TNIP3: variants seen among roughly 807,000 people sequenced by gnomAD.
The protein encoded by TNIP3 is TNFAIP3 interacting protein 3, also known as TNFAIP3-interacting protein 3.
Under a neutral mutation model 54.1 loss-of-function variants are expected in TNIP3, and 34 were observed. The observed-to-expected ratio is 0.63, with a 90% CI of 0.48 to 0.84. The LOEUF is 0.84. Among genes scored for constraint, TNIP3 ranks in the 40% least tolerant of loss-of-function variants. The probability of loss-of-function intolerance (pLI) is 0.00; values close to 1 mark genes in which losing one functional copy is unlikely to be tolerated. For synonymous variants in TNIP3, 134 were observed against 136.8 expected (o/e 0.98, Z 0.14); for missense variants, 366 against 387.6 (o/e 0.94, Z 0.47).
chr4:121,141,754 G>A lies in TNIP3; in HGVS notation c.885+62C>T, dbSNP rs1180540135. Reference sequence around the variant, plus strand: ...TAATATAATGTGCTGAAATTCCAGAGATGCACATAATTTCTACCAAAACAG... The same window carrying A: ...TAATATAATGTGCTGAAATTCCAGAAATGCACATAATTTCTACCAAAACAG... On this transcript the variant is annotated intron_variant, in intron 9 of 10. Coordinates refer to ENST00000057513, the MANE Select transcript of TNIP3 (RefSeq NM_024873.6). 1.6e-5 allele frequency: 18 copies of A among 1,112,558 alleles called. No individual in the cohort carries two copies. The East Asian group carries it at 4.5e-4, about 28-fold the overall frequency. The allele number at this position is 1,112,558 out of a possible 1,614,324, so 68.9% of individuals were successfully genotyped here.
In TNIP3 at chr4:121,202,504, C is replaced by T. The variant is rs141068996; in HGVS notation, c.68+13911G>A. Among the ~76,000 whole-genome samples the T allele has an allele frequency of 3.4e-3, 519 of 152,114 alleles. 4 individuals carry two copies. The highest frequency in any genetic ancestry group is 5.8e-3 in the Non-Finnish European group (395 of 67,960). On this transcript the variant is annotated intron_variant, in intron 2 of 12. Transcript: ENST00000507879. ...AAAACCTTTCTAGACATTGGCAAAA[C>T]CTTTCTAGACATTGGCTTAGGTAAA...
chr4:121,182,807 A>G (rs1724790658), intron 2 of TNIP3: 4 of 1,533,824 alleles, frequency 2.6e-6, no homozygotes, highest in Non-Finnish European at 3.5e-6. Flanking sequence ...CTGCCCAGAA[A>G]GACATGGGAA....
At chr4:121,144,776 C>T (rs1226607157) in intron 7 of TNIP3, among the ~76,000 whole-genome samples, 2 of 152,200 alleles carry the variant, frequency 1.3e-5, no homozygotes, top group East Asian at 3.8e-4. Flanking sequence ...CTATATTTTA[C>T]AGGCAGGTAT....
chr4:121,136,434 T>G (rs1728789306), intron 10 of TNIP3, among the ~76,000 whole-genome samples: 1 of 152,186 alleles, frequency 6.6e-6, no homozygotes, highest in Non-Finnish European at 1.5e-5. Context: ...TTGCTAAATT[T>G]TATTAACTGT....
intron 6 of TNIP3, among the ~76,000 whole-genome samples, chr4:121,149,811 AG>A (rs1002850416): frequency 1.3e-5 from 2 of 152,160 alleles, no homozygotes; most frequent in African/African-American, 4.8e-5. Flanking sequence ...CCCTAGCCCC[AG>A]TGCTAATAGA....
At chr4:121,223,517 T>G (rs1400047621) in intron 1 of TNIP3, among the ~76,000 whole-genome samples, 4 of 152,238 alleles carry the variant, frequency 2.6e-5, no homozygotes, top group African/African-American at 9.6e-5. Context: ...AGAAAATCAC[T>G]TTTGCTACTT....
Position 121,138,686 on chromosome 4 carries a change from T to A in TNIP3, c.886-2A>T, listed in dbSNP as rs536376868. ...AAGAGCATACCACTGATAGTCTGGCTGTGTGGAACAATACAACATTATTAT... is the reference window on the plus strand; with the variant it reads ...AAGAGCATACCACTGATAGTCTGGCAGTGTGGAACAATACAACATTATTAT... On this transcript the variant is annotated splice_acceptor_variant, in intron 9 of 10. Coordinates refer to ENST00000057513, the MANE Select transcript of TNIP3 (RefSeq NM_024873.6). LOFTEE classifies it high-confidence loss of function. 1 of 1,613,614 alleles carries A rather than the reference T, an allele frequency of 6.2e-7. No individual in the cohort carries two copies. The highest frequency in any genetic ancestry group is 1.1e-5 in the South Asian group (1 of 91,056).
rs139776467 is a variant in TNIP3, at chr4:121,209,170, A to G, written c.68+7245T>C. Among the ~76,000 whole-genome samples, 949 of 152,354 alleles carry G rather than the reference A, an allele frequency of 6.2e-3. 11 individuals are homozygous for G. Among genetic ancestry groups the G allele is most frequent in the Non-Finnish European group, 5.5e-3 (372 of 68,038 alleles). On this transcript the variant is annotated intron_variant, in intron 2 of 12. Transcript: ENST00000507879. ...GAGGACGCTGTGTGACAGCATCCCCATGCCTCACCCTTTGGATTCTTTTCA... is the reference window on the plus strand; with the variant it reads ...GAGGACGCTGTGTGACAGCATCCCCGTGCCTCACCCTTTGGATTCTTTTCA...
intron 7 of TNIP3, among the ~76,000 whole-genome samples, chr4:121,145,979 TA>T (rs546016749): frequency 6.4e-4 from 88 of 137,278 alleles, no homozygotes; most frequent in Admixed American, 1.2e-3. Context: ...CACCATCTCA[TA>T]AAAAAAAAAA....
chr4:121,144,166 T>A (rs1729291718), intron 7 of TNIP3, among the ~76,000 whole-genome samples: 1 of 152,196 alleles, frequency 6.6e-6, no homozygotes, highest in Non-Finnish European at 1.5e-5. Context: ...TCTTTTACTA[T>A]ATTGTGAGTT....
At chr4:121,155,855 A>G (rs1211925259) in intron 4 of TNIP3, among the ~76,000 whole-genome samples, 1 of 152,180 alleles carries the variant, frequency 6.6e-6, no homozygotes, top group Non-Finnish European at 1.5e-5. Context: ...AATTTAAGAA[A>G]TCCGCTTTAG....
At chr4:121,146,905 T>C in intron 7 of TNIP3, 144 bp downstream of exon 7, 1 of 779,686 alleles carries the variant, frequency 1.3e-6, no homozygotes, top group Non-Finnish European at 1.9e-6. Context: ...CTTTACAAGA[T>C]TGTTTAAGAA....
At chr4:121,192,198 C>A (rs1299720831) in intron 2 of TNIP3, among the ~76,000 whole-genome samples, 2 of 152,070 alleles carry the variant, frequency 1.3e-5, no homozygotes, top group African/African-American at 2.4e-5. Flanking sequence ...CAAGTCTGAC[C>A]GCTGAAGCAG....
At chr4:121,202,504 C>G (rs141068996) in intron 2 of TNIP3, among the ~76,000 whole-genome samples, 1 of 151,996 alleles carries the variant, frequency 6.6e-6, no homozygotes, top group African/African-American at 2.4e-5. Flanking sequence ...ATTGGCAAAA[C>G]CTTTCTAGAC....
chr4:121,157,099 C>T lies in TNIP3; in HGVS notation c.358G>A (p.Glu120Lys). ...AGGACCCGGGCCCCGCCCACCTCCTCCCGCTGCAGCCGGTCCCGGGTCAGG... is the reference window on the plus strand; with the variant it reads ...AGGACCCGGGCCCCGCCCACCTCCTTCCGCTGCAGCCGGTCCCGGGTCAGG... ...RDLTRDRLQREEKEKERLNEE... is the reference protein window; with the variant it reads ...RDLTRDRLQRKEKEKERLNEE... Residue 120 changes from glutamate to lysine, a missense_variant, in exon 4 of 11, where the codon GAG becomes AAG. By Grantham distance (56) the Glu-to-Lys change is moderately conservative. Transcript: ENST00000057513. 1 of 1,613,690 alleles carries T rather than the reference C, an allele frequency of 6.2e-7. No individual in the cohort carries two copies. The highest frequency in any genetic ancestry group is 8.5e-7 in the Non-Finnish European group (1 of 1,179,728).
In TNIP3 at chr4:121,157,075, G is replaced by T. The variant is rs781442693; in HGVS notation, c.363+19C>A. On this transcript the variant is annotated intron_variant, in intron 4 of 10. Coordinates refer to ENST00000057513, the MANE Select transcript of TNIP3 (RefSeq NM_024873.6). ...TTTTATTTGGATCCTCCGGGCTCGA[G>T]GACCCGGGCCCCGCCCACCTCCTCC... is the stretch of plus-strand genomic sequence containing the variant. The T allele has an allele frequency of 1.2e-6, 2 of 1,613,392 alleles. No individual in the cohort carries two copies. Among genetic ancestry groups the T allele is most frequent in the Non-Finnish European group, 8.5e-7 (1 of 1,179,908 alleles).
chr4:121,174,487 C>T (rs900002904), intron 3 of TNIP3, among the ~76,000 whole-genome samples: 1 of 151,916 alleles, frequency 6.6e-6, no homozygotes, highest in African/African-American at 2.4e-5. Context: ...TATGGAAAGG[C>T]TATGGTGAGG....
In TNIP3 at chr4:121,147,194, T is replaced by C. The variant is rs781211428; in HGVS notation, c.610-20A>G. Reference sequence around the variant, plus strand: ...TTGCACCTAAGAAATATTAGCTTGCTGTTACTGTAAGCTTCCTTTTCACTT... The same window carrying C: ...TTGCACCTAAGAAATATTAGCTTGCCGTTACTGTAAGCTTCCTTTTCACTT... On this transcript the variant is annotated intron_variant, in intron 6 of 10. Transcript: ENST00000057513. 8 of 1,598,734 alleles carry C rather than the reference T, an allele frequency of 5.0e-6. No homozygotes were observed. The highest frequency in any genetic ancestry group is 6.0e-6 in the Non-Finnish European group (7 of 1,174,752).
At chr4:121,206,167 T>C (rs1726178984) in intron 2 of TNIP3, among the ~76,000 whole-genome samples, 1 of 152,118 alleles carries the variant, frequency 6.6e-6, no homozygotes, top group Admixed American at 6.5e-5. Flanking sequence ...AGCCAAACAA[T>C]ATCAGACAGG....
Sources: allele counts gnomAD v4.1 joint callset (sites outside exome capture counted in the v4.1 genomes callset), GRCh38; gene constraint gnomAD v4.1.1; transcripts MANE v1.5; gene names NCBI Gene and HGNC (gene_info 2026-07-23, HGNC 2026-07-21).